The following RAB33A variants were observed in gnomAD, a reference collection of about 807,000 sequenced individuals.
The protein encoded by RAB33A is ras-related protein Rab-33A.
RAB33A carries 6 observed loss-of-function variants against 12.0 expected under a neutral mutation model. The observed-to-expected ratio is 0.50, with a 90% confidence interval of 0.27 to 0.99. The LOEUF is 0.99. Ranked by LOEUF, RAB33A falls within the 50% of genes least tolerant of loss-of-function variation. The pLI is 0.11. For synonymous variants in RAB33A, 70 were observed against 82.4 expected (o/e 0.85, Z 0.81); for missense variants, 109 against 192.0 (o/e 0.57, Z 2.55).
the RAB33A span, among the ~76,000 whole-genome samples, chrX:130,161,857 T>A: frequency 1.8e-5 from 2 of 111,746 alleles, no homozygotes; most frequent in South Asian, 3.7e-4. Context: ...TCTGCCCACC[T>A]TGGCATACCA....
At chrX:130,183,554 CA>C (rs371380251) in intron 1 of RAB33A, among the ~76,000 whole-genome samples, 1,386 of 103,074 alleles carry the variant, frequency 0.013, 21 homozygotes, top group African/African-American at 0.046. Flanking sequence ...GACACGGTCT[CA>C]AAAAAAAAAA....
chrX:130,184,190 G>A, intron 1 of RAB33A, 95 bp from the exon 2 acceptor site: 1 of 872,601 alleles, frequency 1.1e-6, no homozygotes, highest in Non-Finnish European at 1.6e-6. Context: ...CACCCGTCCT[G>A]TCACTTCATT....
At chrX:130,112,051 T>G in the RAB33A span, among the ~76,000 whole-genome samples, 2 of 111,749 alleles carry the variant, frequency 1.8e-5, no homozygotes, top group African/African-American at 6.5e-5. Flanking sequence ...ATCGGCCTGC[T>G]TCTCCTGCCT....
At chrX:130,133,048 C>T in the RAB33A span, among the ~76,000 whole-genome samples, 5 of 111,785 alleles carry the variant, frequency 4.5e-5, no homozygotes, top group East Asian at 1.4e-3. Flanking sequence ...ATTCATTCAC[C>T]TAGTCTAACA....
the RAB33A span, among the ~76,000 whole-genome samples, chrX:130,148,256 C>T: frequency 0.49 from 54,134 of 110,154 alleles, 10,325 homozygotes; most frequent in African/African-American, 0.69. Flanking sequence ...TTTCACCTTC[C>T]GTTAGCAACA....
the RAB33A span, among the ~76,000 whole-genome samples, chrX:130,116,527 C>A: frequency 5.4e-5 from 6 of 111,667 alleles, no homozygotes; most frequent in African/African-American, 1.6e-4. Flanking sequence ...CTCCTGACCT[C>A]ATGACCCACC....
At chrX:130,171,417 C>G (rs369077270), upstream of RAB33A, among the ~76,000 whole-genome samples, 67 of 112,323 alleles carry the variant, frequency 6.0e-4, no homozygotes, top group East Asian at 0.012. Flanking sequence ...ACCCCATCCC[C>G]GCAGAGTTGC....
At chrX:130,156,376 G>A in the RAB33A span, 5 of 1,161,825 alleles carry the variant, frequency 4.3e-6, no homozygotes, top group Non-Finnish European at 5.9e-6. Flanking sequence ...GGAATTAGTT[G>A]CAAAAGTTTT....
chrX:130,126,086 C>T, the RAB33A span, among the ~76,000 whole-genome samples: 3 of 112,522 alleles, frequency 2.7e-5, no homozygotes, highest in Admixed American at 9.4e-5. Flanking sequence ...CAAAGCCTGC[C>T]TCTTCTTCCC....
the RAB33A span, among the ~76,000 whole-genome samples, chrX:130,126,752 A>T: frequency 2.3e-4 from 26 of 112,485 alleles, no homozygotes; most frequent in African/African-American, 8.1e-4. Flanking sequence ...ACCAGGGTGC[A>T]GCAATATGGT....
chrX:130,111,562 C>T, the RAB33A span, among the ~76,000 whole-genome samples: 2 of 112,260 alleles, frequency 1.8e-5, no homozygotes, highest in South Asian at 3.7e-4. Flanking sequence ...TGGAGAGTTT[C>T]GGCGACTTCT....
intron 1 of RAB33A, among the ~76,000 whole-genome samples, chrX:130,180,735 C>T (rs2031716747): frequency 6.5e-5 from 3 of 46,462 alleles, no homozygotes; most frequent in African/African-American, 1.7e-4. Flanking sequence ...GGATTACAGG[C>T]GTGAGCCACT....
chrX:130,157,345 G>A, the RAB33A span, among the ~76,000 whole-genome samples: 196 of 112,368 alleles, frequency 1.7e-3, 1 homozygote, highest in African/African-American at 6.2e-3. Flanking sequence ...GAGTTCTGTA[G>A]ATTTCTTTTT....
the RAB33A span, chrX:130,133,167 G>A: frequency 1.4e-6 from 1 of 711,420 alleles, no homozygotes; most frequent in African/African-American, 2.1e-5. Flanking sequence ...GCTACCTGAG[G>A]GTAGAATGTG....
At chrX:130,128,381 T>C in the RAB33A span, among the ~76,000 whole-genome samples, 1 of 110,987 alleles carries the variant, frequency 9.0e-6, no homozygotes, top group South Asian at 3.9e-4. Context: ...GAGACCAGCC[T>C]GACCATCATG....
At chrX:130,138,389 C>A in the RAB33A span, among the ~76,000 whole-genome samples, 1 of 110,537 alleles carries the variant, frequency 9.0e-6, no homozygotes, top group African/African-American at 3.3e-5. Context: ...GGCCTGAACC[C>A]GGGAAGCGGA....
At chrX:130,129,914 G>T in the RAB33A span, 4 of 1,184,665 alleles carry the variant, frequency 3.4e-6, no homozygotes, top group Non-Finnish European at 4.6e-6. Context: ...GAAGTTACAG[G>T]AATGTTTCTA....
At chrX:130,163,379 C>T in the RAB33A span, among the ~76,000 whole-genome samples, 1 of 110,665 alleles carries the variant, frequency 9.0e-6, no homozygotes, top group African/African-American at 3.3e-5. Context: ...TGCTCTTTCC[C>T]ACCTGTGCAA....
At chrX:130,131,078 G>C in the RAB33A span, among the ~76,000 whole-genome samples, 22 of 112,179 alleles carry the variant, frequency 2.0e-4, no homozygotes, top group South Asian at 1.1e-3. Flanking sequence ...CTAAGGTCAA[G>C]GAATAAGGTC....
Sources: allele counts gnomAD v4.1 joint callset (sites outside exome capture counted in the v4.1 genomes callset), GRCh38; gene constraint gnomAD v4.1.1; transcripts MANE v1.5; gene names NCBI Gene and HGNC (gene_info 2026-07-23, HGNC 2026-07-21).